Variants in UTRN observed in about 807,000 individuals in gnomAD.
The protein encoded by UTRN is dystrophin-related protein 1.
UTRN carries 283 observed loss-of-function variants against 463.9 expected under a neutral mutation model. That is an observed-to-expected ratio of 0.61 (90% confidence interval 0.55 to 0.67). The LOEUF is 0.67. Among genes scored for constraint, UTRN ranks in the 30% least tolerant of loss-of-function variants. The pLI is 0.00. For synonymous variants in UTRN, 1,442 were observed against 1,431.5 expected (o/e 1.01, Z -0.17); for missense variants, 3,922 against 4,084.3 (o/e 0.96, Z 1.08).
At chr6:144,414,164 G>A (rs923836417) in intron 3 of UTRN, among the ~76,000 whole-genome samples, 6 of 151,942 alleles carry the variant, frequency 3.9e-5, no homozygotes, top group African/African-American at 1.5e-4. Context: ...AACAGCCTCA[G>A]GCAGTTCCTT....
intron 53 of UTRN, among the ~76,000 whole-genome samples, chr6:144,702,455 G>A (rs1269199413): frequency 6.6e-6 from 1 of 152,118 alleles, no homozygotes; most frequent in African/African-American, 2.4e-5. Flanking sequence ...GCATATTCTG[G>A]TCACTGGTGA....
At chr6:144,675,279 A>G (rs1386609540) in intron 51 of UTRN, among the ~76,000 whole-genome samples, 1 of 152,128 alleles carries the variant, frequency 6.6e-6, no homozygotes, top group African/African-American at 2.4e-5. Flanking sequence ...ATCCTAGGGA[A>G]TGTCTGCAAA....
chr6:144,357,566 T>C (rs1778679533), intron 2 of UTRN, among the ~76,000 whole-genome samples: 1 of 152,222 alleles, frequency 6.6e-6, no homozygotes, highest in South Asian at 2.1e-4. Flanking sequence ...CATTTTCCTA[T>C]TAACAGGATG....
intron 34 of UTRN, among the ~76,000 whole-genome samples, chr6:144,505,273 C>G (rs10080686): frequency 0.03 from 4,505 of 152,224 alleles, 259 homozygotes; most frequent in African/African-American, 0.1. Context: ...TAGTTCTGCT[C>G]TGCTCTTGGT....
intron 46 of UTRN, among the ~76,000 whole-genome samples, chr6:144,545,089 T>C (rs1798285684): frequency 6.6e-6 from 1 of 152,194 alleles, no homozygotes; most frequent in Non-Finnish European, 1.5e-5. Flanking sequence ...AATAAACTTG[T>C]AGTCAACCTC....
intron 9 of UTRN, among the ~76,000 whole-genome samples, chr6:144,433,383 G>A (rs1267080598): frequency 3.3e-5 from 5 of 150,366 alleles, no homozygotes; most frequent in African/African-American, 1.2e-4. Flanking sequence ...CCTCCCTCCC[G>A]GACGGGGTGG....
intron 52 of UTRN, among the ~76,000 whole-genome samples, chr6:144,689,479 G>A (rs1033309265): frequency 3.9e-5 from 6 of 152,174 alleles, no homozygotes; most frequent in East Asian, 1.9e-4. Context: ...TTTGTCCCAC[G>A]GGTTGCTCCC....
intron 51 of UTRN, among the ~76,000 whole-genome samples, chr6:144,586,334 AT>A (rs1185885175): frequency 6.6e-6 from 1 of 152,166 alleles, no homozygotes; most frequent in Non-Finnish European, 1.5e-5. Flanking sequence ...TATACATCCA[AT>A]AAAATTTGAG....
intron 2 of UTRN, among the ~76,000 whole-genome samples, chr6:144,323,330 C>T (rs1775782685): frequency 6.6e-6 from 1 of 152,068 alleles, no homozygotes; most frequent in African/African-American, 2.4e-5. Flanking sequence ...ATGAGTATTC[C>T]AACATCATTC....
chr6:144,598,031 A>T (rs1396119645), intron 51 of UTRN, among the ~76,000 whole-genome samples: 1 of 152,222 alleles, frequency 6.6e-6, no homozygotes, highest in Non-Finnish European at 1.5e-5. Context: ...TGAAAATTAT[A>T]TGGAACAACA....
intron 51 of UTRN, among the ~76,000 whole-genome samples, chr6:144,618,572 A>T (rs374694358): frequency 1.3e-4 from 20 of 152,236 alleles, no homozygotes; most frequent in African/African-American, 4.8e-4. Context: ...GCTTCAAAGA[A>T]TCTTAGTAGT....
chr6:144,493,198 A>C (rs1793230984), intron 32 of UTRN, 103 bp from the exon 33 acceptor site: 2 of 1,084,502 alleles, frequency 1.8e-6, no homozygotes, highest in Admixed American at 2.4e-5. Flanking sequence ...CACCATAGTT[A>C]GGTCTTGGCT....
At chr6:144,315,693 C>T (rs529140715) in intron 2 of UTRN, among the ~76,000 whole-genome samples, 1 of 152,348 alleles carries the variant, frequency 6.6e-6, no homozygotes, top group East Asian at 1.9e-4. Context: ...GTGTTCTTTC[C>T]TCCGTGCCGC....
chr6:144,654,537 T>G (rs1779136434), intron 51 of UTRN, among the ~76,000 whole-genome samples: 1 of 152,242 alleles, frequency 6.6e-6, no homozygotes, highest in Admixed American at 6.5e-5. Flanking sequence ...TATTTTAATT[T>G]TGGCTTCAAT....
chr6:144,415,849 A>G (rs906785406), intron 3 of UTRN, among the ~76,000 whole-genome samples: 1 of 152,188 alleles, frequency 6.6e-6, no homozygotes, highest in Non-Finnish European at 1.5e-5. Context: ...CACAATGACC[A>G]TGGTAAGAAG....
intron 2 of UTRN, among the ~76,000 whole-genome samples, chr6:144,385,944 GA>G (rs1781379041): frequency 6.6e-6 from 1 of 152,060 alleles, no homozygotes; most frequent in African/African-American, 2.4e-5. Context: ...TTTGACTTCA[GA>G]TGATCCACCT....
chr6:144,710,020 G>A (rs1413615843), intron 53 of UTRN, among the ~76,000 whole-genome samples: 2 of 152,182 alleles, frequency 1.3e-5, no homozygotes, highest in Middle Eastern at 3.4e-3. Flanking sequence ...GCTTCTGTAC[G>A]AAGAGCAATA....
intron 51 of UTRN, among the ~76,000 whole-genome samples, chr6:144,602,923 C>T (rs948427434): frequency 6.6e-6 from 1 of 152,052 alleles, no homozygotes; most frequent in African/African-American, 2.4e-5. Flanking sequence ...TGTAAAATAG[C>T]TTTTTTATGC....
intron 51 of UTRN, among the ~76,000 whole-genome samples, chr6:144,643,379 T>C (rs753673708): frequency 5.9e-5 from 9 of 152,218 alleles, no homozygotes; most frequent in Non-Finnish European, 1.2e-4. Flanking sequence ...GTTTAAAATA[T>C]TACATTTGAG....
Sources: allele counts gnomAD v4.1 joint callset (sites outside exome capture counted in the v4.1 genomes callset), GRCh38; gene constraint gnomAD v4.1.1; transcripts MANE v1.5; gene names NCBI Gene and HGNC (gene_info 2026-07-23, HGNC 2026-07-21).